Variants in TATDN1 observed in about 807,000 individuals in gnomAD.
TATDN1 encodes deoxyribonuclease TATDN1.
A neutral mutation model predicts 46.4 loss-of-function variants in TATDN1; 40 were observed. The ratio of observed to expected loss-of-function variants is 0.86; its 90% CI spans 0.67 to 1.12. TATDN1 has a LOEUF of 1.12. Ranked by LOEUF, TATDN1 falls within the 50% of genes most tolerant of loss-of-function variation. The probability of loss-of-function intolerance (pLI) is 0.00; values close to 1 mark genes in which losing one functional copy is unlikely to be tolerated. For missense variants in TATDN1, 326 were observed against 348.4 expected, an observed-to-expected ratio of 0.94 and a Z score of 0.51; for synonymous variants, 95 against 105.6, an observed-to-expected ratio of 0.90 and a Z score of 0.62.
intron 1 of TATDN1, among the ~76,000 whole-genome samples, chr8:124,531,970 G>A (rs909742715): frequency 3.3e-5 from 5 of 152,108 alleles, no homozygotes; most frequent in African/African-American, 9.7e-5. Flanking sequence ...GATTGCAAGC[G>A]CAATTTTGTT....
intron 11 of TATDN1, among the ~76,000 whole-genome samples, chr8:124,492,869 A>G (rs185990802): frequency 7.2e-5 from 11 of 151,758 alleles, no homozygotes; most frequent in Admixed American, 6.6e-4. Flanking sequence ...GGGTCTCCCT[A>G]TGTTGCCTGA....
At chr8:124,512,427 AAAAC>A (rs972255649) in intron 6 of TATDN1, among the ~76,000 whole-genome samples, 11 of 152,306 alleles carry the variant, frequency 7.2e-5, no homozygotes, top group East Asian at 3.9e-4. Flanking sequence ...TCCATCTCAA[AAAAC>A]AAACAAACAA....
intron 1 of TATDN1, among the ~76,000 whole-genome samples, chr8:124,537,298 T>C (rs1821529681): frequency 6.6e-6 from 1 of 152,058 alleles, no homozygotes; most frequent in Admixed American, 6.5e-5. Context: ...TGGTATAAGT[T>C]TTAAGGAGTG....
chr8:124,499,852 C>CTT lies in TATDN1; in HGVS notation c.594-4312_594-4311dup, dbSNP rs375649000. Among the ~76,000 whole-genome samples, 417 of 124,878 alleles carry CTT rather than the reference C, an allele frequency of 3.3e-3. 5 individuals are homozygous for CTT. Among genetic ancestry groups the CTT allele is most frequent in the African/African-American group, 0.012 (397 of 33,680 alleles). The allele number at this position is 124,878 out of a possible 152,430, so 81.9% of individuals were successfully genotyped here. ...AGTCACTGCGCCCGGCCCCCATGTT[C>CTT]TTTTTTTTTTTGAGACACAGTCTGG... On this transcript the variant is annotated intron_variant, in intron 9 of 11. Coordinates refer to ENST00000276692, the MANE Select transcript of TATDN1 (RefSeq NM_032026.4).
chr8:124,500,424 G>A (rs999550906), intron 9 of TATDN1, among the ~76,000 whole-genome samples: 4 of 152,170 alleles, frequency 2.6e-5, no homozygotes, highest in Admixed American at 6.5e-5. Context: ...TCTAAGACAG[G>A]AGCCAGGTAC....
Position 124,522,914 on chromosome 8 carries a change from G to A in TATDN1, c.88+23C>T, listed in dbSNP as rs376820878. 1.6e-4 allele frequency: 259 copies of A among 1,597,366 alleles called. 3 individuals carry two copies. The South Asian group carries it at 2.6e-3, about 16-fold the overall frequency. ...AATTTGTCTTCATAGGAAACTATTC[G>A]CCTTAATAAAGGAAATATTTACCTT... On this transcript the variant is annotated intron_variant, in intron 2 of 11. Coordinates refer to ENST00000276692, the MANE Select transcript of TATDN1 (RefSeq NM_032026.4).
intron 6 of TATDN1, 91 bp downstream of exon 6, chr8:124,515,655 C>CTT (rs563476350): frequency 7.8e-7 from 1 of 1,284,264 alleles, no homozygotes; most frequent in South Asian, 1.3e-5. Context: ...TATCCTCATG[C>CTT]TTAATCCAAC....
intron 1 of TATDN1, among the ~76,000 whole-genome samples, chr8:124,533,059 T>C (rs1166126704): frequency 2.6e-5 from 4 of 152,170 alleles, no homozygotes; most frequent in Non-Finnish European, 4.4e-5. Flanking sequence ...GAGACCGTCC[T>C]GGCTAACACG....
At chr8:124,514,093 G>A (rs902781404) in intron 6 of TATDN1, among the ~76,000 whole-genome samples, 3 of 152,164 alleles carry the variant, frequency 2.0e-5, no homozygotes, top group Non-Finnish European at 2.9e-5. Context: ...AGAGAGAGTA[G>A]GTATCCACAG....
intron 4 of TATDN1, among the ~76,000 whole-genome samples, chr8:124,516,587 G>A (rs1407089552): frequency 1.3e-5 from 2 of 152,050 alleles, no homozygotes; most frequent in African/African-American, 4.8e-5. Context: ...GGGATTACAG[G>A]CCTGAGCCAC....
intron 9 of TATDN1, among the ~76,000 whole-genome samples, chr8:124,499,403 GTCTAT>G (rs1389088110): frequency 1.3e-5 from 2 of 151,956 alleles, no homozygotes; most frequent in Non-Finnish European, 2.9e-5. Context: ...ATTCTTCTGT[GTCTAT>G]TCTATGACTG....
At chr8:124,528,285 T>G (rs1820673445) in intron 1 of TATDN1, among the ~76,000 whole-genome samples, 1 of 152,132 alleles carries the variant, frequency 6.6e-6, no homozygotes, top group Non-Finnish European at 1.5e-5. Flanking sequence ...GCCATTCCCC[T>G]GCCTCGGCCT....
intron 1 of TATDN1, among the ~76,000 whole-genome samples, chr8:124,534,070 T>G (rs1036040766): frequency 7.4e-6 from 1 of 134,430 alleles, no homozygotes; most frequent in African/African-American, 2.8e-5. Flanking sequence ...GGCGTGAACC[T>G]GGGAGGCGGA....
intron 3 of TATDN1, among the ~76,000 whole-genome samples, chr8:124,520,653 C>T (rs923099505): frequency 1.4e-4 from 21 of 151,310 alleles, no homozygotes; most frequent in African/African-American, 4.4e-4. Context: ...TATAAAATAA[C>T]GATGATGGGC....
chr8:124,531,772 A>G (rs1820980627), intron 1 of TATDN1, among the ~76,000 whole-genome samples: 1 of 152,210 alleles, frequency 6.6e-6, no homozygotes, highest in South Asian at 2.1e-4. Flanking sequence ...CTGAGGGTAG[A>G]TATTGCAAAG....
chr8:124,493,063 C>T (rs765730974), intron 11 of TATDN1, among the ~76,000 whole-genome samples: 51 of 152,230 alleles, frequency 3.4e-4, no homozygotes, highest in Non-Finnish European at 5.7e-4. Flanking sequence ...GGCTTATCTT[C>T]TAATACTCTT....
At chr8:124,528,294 C>T (rs2131550191) in intron 1 of TATDN1, among the ~76,000 whole-genome samples, 1 of 152,300 alleles carries the variant, frequency 6.6e-6, no homozygotes, top group East Asian at 1.9e-4. Flanking sequence ...CTGCCTCGGC[C>T]TCCCAAGTAG....
At chr8:124,519,644 C>G (rs1018520878) in intron 3 of TATDN1, among the ~76,000 whole-genome samples, 4 of 152,058 alleles carry the variant, frequency 2.6e-5, no homozygotes, top group Non-Finnish European at 5.9e-5. Context: ...CAAACAAAAG[C>G]TCTTTGGGGG....
intron 10 of TATDN1, chr8:124,494,511 G>A (rs1817289680): frequency 1.3e-5 from 2 of 152,290 alleles, no homozygotes; most frequent in South Asian, 4.1e-4. Context: ...TATAAGGAGA[G>A]CCTTGACAGG....
Sources: gnomAD v4.1 joint callset for allele counts (sites outside exome capture counted in the v4.1 genomes callset) on GRCh38, gnomAD v4.1.1 for gene constraint, MANE v1.5 for transcripts, NCBI Gene and HGNC (gene_info 2026-07-23, HGNC 2026-07-21) for gene names.